LRP1: variants seen among roughly 807,000 people sequenced by gnomAD.
The protein encoded by LRP1 is prolow-density lipoprotein receptor-related protein 1.
In LRP1, 51 loss-of-function variants were observed where a neutral mutation model predicts 541.5. That is an observed-to-expected ratio of 0.09 (90% CI 0.08 to 0.12). The LOEUF (loss-of-function observed/expected upper bound fraction) is 0.12, where lower values mean the gene tolerates loss of function less well. Among genes scored for constraint, LRP1 ranks in the 10% least tolerant of loss-of-function variants. LRP1 has a pLI of 1.00. For missense variants in LRP1, 3,878 were observed against 6,376.2 expected, an observed-to-expected ratio of 0.61 and a Z score of 13.34; for synonymous variants, 2,219 against 2,470.8, an observed-to-expected ratio of 0.90 and a Z score of 3.02.
At chr12:57,196,883 G>A (rs563014321) in intron 55 of LRP1, 99 bp from the exon 56 acceptor site, 1 of 1,080,572 alleles carries the variant, frequency 9.3e-7, no homozygotes, top group East Asian at 2.6e-5. Context: ...TGCCCCTAGT[G>A]AGGCCGGGTA....
chr12:57,187,854 G>C (rs2036299935), intron 42 of LRP1, among the ~76,000 whole-genome samples: 1 of 152,224 alleles, frequency 6.6e-6, no homozygotes, highest in Admixed American at 6.5e-5. Flanking sequence ...CACCTAGCTG[G>C]GTTGAGAAGT....
chr12:57,206,759 C>G lies in LRP1; in HGVS notation c.11859+18C>G, dbSNP rs369564225. ...ACCTCAACGTGAGTGCCCAACCTGG[C>G]GTGGATGGAGTGGAAGAGCTCCATA... On this transcript the variant is annotated intron_variant, in intron 76 of 88. Transcript: ENST00000243077. This position sits in a 1 kb window ranked among gnomAD's most constrained non-coding sequence, Gnocchi z 4.7. 3.1e-6 allele frequency: 5 copies of G among 1,607,376 alleles called. No homozygotes were observed. In the South Asian group the frequency reaches 5.5e-5, roughly 18 times the overall value.
rs141660911 is a variant in LRP1 at position 57,208,187 on chromosome 12, C to A, written c.12009C>A (p.Pro4003=). The part of the protein sequence containing the change: ...KTLISGMIDE[P]HAIVVDPLRG... ...TCATCTCGGGCATGATTGACGAGCC[C>A]CACGCCATTGTGGTGGACCCACTGA... Residue 4003 remains proline, a synonymous_variant, in exon 77 of 89, where the codon CCC becomes CCA. Coordinates refer to ENST00000243077, the MANE Select transcript of LRP1 (RefSeq NM_002332.3). 3 of 1,613,912 alleles carry A rather than the reference C, an allele frequency of 1.9e-6. No homozygotes were observed. The South Asian group carries it at 3.3e-5, about 18-fold the overall frequency.
intron 42 of LRP1, among the ~76,000 whole-genome samples, chr12:57,190,253 A>G (rs748608731): frequency 2.0e-5 from 3 of 152,238 alleles, no homozygotes. Flanking sequence ...GGCTTCCTGA[A>G]TGATCTGGAA....
In LRP1 at chr12:57,205,663, C is replaced by T. The variant is rs773035554; in HGVS notation, c.11576C>T (p.Thr3859Ile). The T allele has an allele frequency of 1.5e-5, 24 of 1,611,714 alleles. No individual in the cohort carries two copies. The South Asian group carries it at 2.6e-4, about 18-fold the overall frequency. The change falls in exon 75 of 89, where the codon ACC becomes ATC. Residue 3859 changes from threonine to isoleucine, a missense_variant. By Grantham distance (89) the Thr-to-Ile change is moderately conservative. Around this residue, in one of 13 missense-constraint regions of LRP1, gnomAD observed 871 missense variants for 1,212.4 expected, o/e 0.72. Transcript: ENST00000243077. The surrounding 1 kb of genome is among the most constrained non-coding windows in gnomAD (Gnocchi z 4.6). ...CGGAACTTCATGAAGACGCACAACA[C>T]CTGCAAGGCCGAAGGTGCCGGAGCC... Reference protein sequence around the residue: ...CARNFMKTHNTCKAEGSEYQV... With the variant: ...CARNFMKTHNICKAEGSEYQV...
chr12:57,142,461 A>G (rs963184462), intron 3 of LRP1, among the ~76,000 whole-genome samples: 6 of 152,010 alleles, frequency 3.9e-5, no homozygotes, highest in African/African-American at 9.7e-5. Context: ...AGTTTGTGGA[A>G]GATTTTTCTC....
chr12:57,185,526 C>G lies in LRP1; in HGVS notation c.6464-5C>G, dbSNP rs1364311000. 1 of 1,580,370 alleles carries G rather than the reference C, an allele frequency of 6.3e-7. No homozygotes were observed. Among genetic ancestry groups the G allele is most frequent in the East Asian group, 2.3e-5 (1 of 44,332 alleles). On this transcript the variant is annotated splice_region_variant and splice_polypyrimidine_tract_variant and intron_variant, in intron 40 of 88. Coordinates refer to ENST00000243077, the MANE Select transcript of LRP1 (RefSeq NM_002332.3). This position sits in a 1 kb window ranked among gnomAD's most constrained non-coding sequence, Gnocchi z 4.9. ...CCCTGCCCTCTGTACCCTCCCCTCC[C>G]CCAGGCACCAACGTGTGCGCGGTGG...
intron 81 of LRP1, 50 bp from the exon 82 acceptor site, chr12:57,210,257 C>T (rs1290839250): frequency 6.5e-7 from 1 of 1,547,060 alleles, no homozygotes. Context: ...GTTGCCTGTC[C>T]CTCTCCTCCT....
intron 1 of LRP1, among the ~76,000 whole-genome samples, chr12:57,133,474 G>T (rs1046182940): frequency 1.3e-5 from 2 of 152,080 alleles, no homozygotes; most frequent in Non-Finnish European, 2.9e-5. Context: ...TGACAAAAAT[G>T]TGTCTGAGCC....
chr12:57,192,348 C>T (rs2036430493), intron 44 of LRP1, among the ~76,000 whole-genome samples: 1 of 152,162 alleles, frequency 6.6e-6, no homozygotes, highest in African/African-American at 2.4e-5. Flanking sequence ...ACATTCATGT[C>T]ACACCCGCCC....
chr12:57,183,741 T>C lies in LRP1; in HGVS notation c.5795-34T>C, dbSNP rs373938784. On this transcript the variant is annotated intron_variant, in intron 35 of 88. Transcript: ENST00000243077. The surrounding 1 kb of genome is among the most constrained non-coding windows in gnomAD (Gnocchi z 6.1). ...GACCCCTCACCTTACCCCTGCCTTATTGGGCATCCCCATGTCACCTCCTCC... is the reference window on the plus strand; with the variant it reads ...GACCCCTCACCTTACCCCTGCCTTACTGGGCATCCCCATGTCACCTCCTCC... 6 of 1,612,558 alleles carry C rather than the reference T, an allele frequency of 3.7e-6. No homozygotes were observed. The highest frequency in any genetic ancestry group is 2.7e-5 in the African/African-American group (2 of 75,064).
Position 57,204,585 on chromosome 12 carries a change from C to T in LRP1, c.11072-42C>T. 6.2e-7 allele frequency: 1 copy of T among 1,611,572 alleles called. No homozygotes were observed. Among genetic ancestry groups the T allele is most frequent in the Non-Finnish European group, 8.5e-7 (1 of 1,178,248 alleles). ...CCAGTGGCCAGCAACCACCCCCACT[C>T]CCAAGACTAATTCTGGCTCTGTGTC... On this transcript the variant is annotated intron_variant, in intron 71 of 88. Transcript: ENST00000243077. The surrounding 1 kb of genome is among the most constrained non-coding windows in gnomAD (Gnocchi z 5.3).
At position 57,197,922 on chromosome 12, in the gene LRP1, C is replaced by T. The variant is rs34823206; in HGVS notation, c.9283-234C>T. Among the ~76,000 whole-genome samples, 1,135 of 152,336 alleles carry T rather than the reference C, an allele frequency of 7.5e-3. 11 individuals carry two copies. The highest frequency in any genetic ancestry group is 0.026 in the African/African-American group (1,082 of 41,564). On this transcript the variant is annotated intron_variant, in intron 58 of 88. Coordinates refer to ENST00000243077, the MANE Select transcript of LRP1 (RefSeq NM_002332.3). The surrounding 1 kb of genome is among the most constrained non-coding windows in gnomAD (Gnocchi z 4.5). ...GTTCCCTGTGAGGTCTGGCCAAGCACTGTGAGGCTTGGGGCGTGGTCCCAT... is the reference window on the plus strand; with the variant it reads ...GTTCCCTGTGAGGTCTGGCCAAGCATTGTGAGGCTTGGGGCGTGGTCCCAT...
rs1289105417 is a variant in LRP1, at chr12:57,185,941, G to A, written c.6841+33G>A. 6.3e-7 allele frequency: 1 copy of A among 1,592,854 alleles called. No individual in the cohort carries two copies. Among genetic ancestry groups the A allele is most frequent in the African/African-American group, 1.3e-5 (1 of 74,632 alleles). ...CAGACCCTAAGTCTTCCCAGGAAGT[G>A]GGACATGGGGCGGGGAGCAGCACAG... is the stretch of plus-strand genomic sequence containing the variant. On this transcript the variant is annotated intron_variant, in intron 41 of 88. Transcript: ENST00000243077. This position sits in a 1 kb window ranked among gnomAD's most constrained non-coding sequence, Gnocchi z 4.9.
chr12:57,195,662 C>T lies in LRP1; in HGVS notation c.8442C>T (p.Tyr2814=), dbSNP rs35605204. The stretch of plus-strand genomic sequence containing the variant: ...TGTGTCCACCTCTGTCCACAGTGTA[C>T]AACAGCACTTGTGACGACCGTGAGT... The part of the protein sequence containing the change: ...ADESIAAGCL[Y]NSTCDDREFM... The change falls in exon 53 of 89, where the codon TAC becomes TAT. Residue 2814 remains tyrosine (Y), a synonymous_variant. Coordinates refer to ENST00000243077, the MANE Select transcript of LRP1 (RefSeq NM_002332.3). 171 of 1,614,122 alleles carry T rather than the reference C, an allele frequency of 1.1e-4. 1 individual carries two copies. The African/African-American group carries it at 2.0e-3, about 19-fold the overall frequency.
rs368704603 is a variant in LRP1 at position 57,166,154 on chromosome 12, C to T, written c.2742C>T (p.Cys914=). ...GGTGCATCCCCAACCGCTGGCTCTG[C>T]GACGGGGACAATGACTGTGGGAACA... ...NNRCIPNRWL[C]DGDNDCGNSE... The change falls in exon 17 of 89, where the codon TGC becomes TGT. Residue 914 remains cysteine (C), a synonymous_variant. Coordinates refer to ENST00000243077, the MANE Select transcript of LRP1 (RefSeq NM_002332.3). 6.3e-5 allele frequency: 101 copies of T among 1,613,998 alleles called. No individual in the cohort carries two copies. The Admixed American group carries it at 1.2e-3, about 19-fold the overall frequency.
In LRP1 at chr12:57,202,543, T is replaced by TGGCCCCCCCCCCCCCCCCCC; in HGVS notation, c.10711+6_10711+7insGGCCCCCCCCCCCCCCCCCC. 2.0e-6 allele frequency: 3 copies of TGGCCCCCCCCCCCCCCCCCC among 1,523,632 alleles called. No homozygotes were observed. Among genetic ancestry groups the TGGCCCCCCCCCCCCCCCCCC allele is most frequent in the East Asian group, 2.5e-5 (1 of 40,540 alleles). The allele number at this position is 1,523,632 out of a possible 1,614,324, so 94.4% of individuals were successfully genotyped here. On this transcript the variant is annotated splice_region_variant and intron_variant, in intron 68 of 88. Coordinates refer to ENST00000243077, the MANE Select transcript of LRP1 (RefSeq NM_002332.3). The stretch of plus-strand genomic sequence containing the variant: ...CTCCGATGAAGAGAGCTGCAGTACG[T>TGGCCCCCCCCCCCCCCCCCC]CCCCACCCACCCAGCCCCGCATGAG...
chr12:57,181,149 G>C lies in LRP1; in HGVS notation c.5528-8G>C, dbSNP rs752059636. 3.1e-6 allele frequency: 5 copies of C among 1,611,834 alleles called. No individual in the cohort carries two copies. Among genetic ancestry groups the C allele is most frequent in the African/African-American group, 1.3e-5 (1 of 74,892 alleles). On this transcript the variant is annotated splice_region_variant and splice_polypyrimidine_tract_variant and intron_variant, in intron 33 of 88. Transcript: ENST00000243077. The stretch of plus-strand genomic sequence containing the variant: ...AACCCTTTCCCTCTGCCTCCCACCT[G>C]CCCCCAGACCATAAGGGCACCAACC...
chr12:57,195,097 C>T lies in LRP1; in HGVS notation c.8304C>T (p.His2768=). 6.2e-7 allele frequency: 1 copy of T among 1,613,180 alleles called. No individual in the cohort carries two copies. Among genetic ancestry groups the T allele is most frequent in the Non-Finnish European group, 8.5e-7 (1 of 1,179,224 alleles). ...GGGATGGCTCAGACGAGGCTGCTCA[C>T]TGTGGTAAGGAAGCTGGGATTGGGC... is the stretch of plus-strand genomic sequence containing the variant. The part of the protein sequence containing the change: ...DCGDGSDEAA[H]CEGKTCGPSS... Residue 2768 remains histidine (H), a synonymous_variant, in exon 51 of 89, where the codon CAC becomes CAT. Coordinates refer to ENST00000243077, the MANE Select transcript of LRP1 (RefSeq NM_002332.3).
Sources: allele counts gnomAD v4.1 joint callset (sites outside exome capture counted in the v4.1 genomes callset), GRCh38; gene constraint gnomAD v4.1.1; regional missense constraint gnomAD v4.1.1; non-coding constraint Gnocchi (gnomAD v3.1); transcripts MANE v1.5; gene names NCBI Gene and HGNC (gene_info 2026-07-23, HGNC 2026-07-21).